Variants in PPP1R14C observed in about 807,000 individuals in gnomAD.
PPP1R14C encodes protein phosphatase 1 regulatory inhibitor subunit 14C.
Under a neutral mutation model 20.4 loss-of-function variants are expected in PPP1R14C, and 16 were observed. The observed-to-expected ratio is 0.78, with a 90% CI of 0.53 to 1.19. The LOEUF is 1.19. Among genes scored for constraint, PPP1R14C ranks in the 50% most tolerant of loss-of-function variants. PPP1R14C has a pLI of 0.00. For synonymous variants in PPP1R14C, 91 were observed against 91.0 expected, an observed-to-expected ratio of 1.00 and a Z score of 0.00; for missense variants, 211 against 220.1, an observed-to-expected ratio of 0.96 and a Z score of 0.26.
intron 3 of PPP1R14C, among the ~76,000 whole-genome samples, chr6:150,230,447 G>A (rs751002276): frequency 2.6e-5 from 4 of 152,212 alleles, no homozygotes; most frequent in Non-Finnish European, 5.9e-5. Flanking sequence ...GAGGCAACAC[G>A]TGGGGAGTTG....
intron 1 of PPP1R14C, among the ~76,000 whole-genome samples, chr6:150,180,829 A>G (rs1409661746): frequency 1.3e-5 from 2 of 152,300 alleles, no homozygotes; most frequent in Non-Finnish European, 1.5e-5. Flanking sequence ...TTCTTGCTGA[A>G]TGATGACCCT....
chr6:150,231,246 T>C (rs750322662), intron 3 of PPP1R14C, among the ~76,000 whole-genome samples: 4 of 152,208 alleles, frequency 2.6e-5, no homozygotes, highest in Non-Finnish European at 5.9e-5. Context: ...CTCAGCAGCA[T>C]GTTGTATAAA....
chr6:150,211,287 C>T (rs1778021751), intron 1 of PPP1R14C, among the ~76,000 whole-genome samples: 1 of 152,216 alleles, frequency 6.6e-6, no homozygotes, highest in African/African-American at 2.4e-5. Context: ...GGGTTCTCAA[C>T]AAATGTACGA....
At chr6:150,149,126 C>T (rs1446163121) in intron 1 of PPP1R14C, among the ~76,000 whole-genome samples, 1 of 152,090 alleles carries the variant, frequency 6.6e-6, no homozygotes, top group Non-Finnish European at 1.5e-5. Context: ...AAGAAAACTG[C>T]TTAACACATT....
chr6:150,149,455 C>CT (rs869244401), intron 1 of PPP1R14C, among the ~76,000 whole-genome samples: 1,180 of 35,360 alleles, frequency 0.033, 10 homozygotes, highest in South Asian at 0.065. Flanking sequence ...TTTTTTTTTT[C>CT]TTTTTTTTTT....
Position 150,248,902 on chromosome 6 carries a change from A to T in PPP1R14C, c.*82A>T. ...TTCATGAAGACTTTTGTGAAAGAAT[A>T]GGTGTCCTTATGAACAACGTTTTTG... is the stretch of plus-strand genomic sequence containing the variant. On this transcript the variant is annotated 3_prime_UTR_variant, in exon 4 of 4. Coordinates refer to ENST00000361131, the MANE Select transcript of PPP1R14C (RefSeq NM_030949.3). 3.7e-6 allele frequency: 3 copies of T among 807,274 alleles called. No homozygotes were observed. Among genetic ancestry groups the T allele is most frequent in the Non-Finnish European group, 5.9e-6 (3 of 507,338 alleles). The allele number at this position is 807,274 out of a possible 1,614,324, so 50.0% of individuals were successfully genotyped here.
At chr6:150,172,938 G>A (rs1777515531) in intron 1 of PPP1R14C, among the ~76,000 whole-genome samples, 1 of 152,116 alleles carries the variant, frequency 6.6e-6, no homozygotes, top group South Asian at 2.1e-4. Context: ...AAGCCACTCA[G>A]TCAACTCCCC....
At chr6:150,183,868 C>T (rs1289037122) in intron 1 of PPP1R14C, among the ~76,000 whole-genome samples, 1 of 152,234 alleles carries the variant, frequency 6.6e-6, no homozygotes, top group African/African-American at 2.4e-5. Context: ...TATATAGAAT[C>T]TCATGTTGAT....
chr6:150,225,515 G>A (rs1445320445), intron 3 of PPP1R14C, among the ~76,000 whole-genome samples: 2 of 152,160 alleles, frequency 1.3e-5, no homozygotes, highest in African/African-American at 2.4e-5. Flanking sequence ...TACTTCGGGG[G>A]CATTTGTTTG....
At chr6:150,182,766 G>A (rs1777635945) in intron 1 of PPP1R14C, among the ~76,000 whole-genome samples, 1 of 152,164 alleles carries the variant, frequency 6.6e-6, no homozygotes, top group South Asian at 2.1e-4. Flanking sequence ...GCTTAGTGAT[G>A]GGGATATGTT....
intron 1 of PPP1R14C, among the ~76,000 whole-genome samples, chr6:150,207,370 G>T (rs1413595490): frequency 2.6e-5 from 4 of 152,218 alleles, no homozygotes; most frequent in Non-Finnish European, 5.9e-5. Context: ...CACTCTAAAT[G>T]GCCTGGCCAC....
intron 1 of PPP1R14C, among the ~76,000 whole-genome samples, chr6:150,199,104 C>T (rs1777845524): frequency 6.6e-6 from 1 of 152,024 alleles, no homozygotes; most frequent in African/African-American, 2.4e-5. Context: ...CTGTGGCTCC[C>T]AACTATGGTG....
chr6:150,207,147 G>A (rs1397852297), intron 1 of PPP1R14C, among the ~76,000 whole-genome samples: 1 of 152,172 alleles, frequency 6.6e-6, no homozygotes, highest in Non-Finnish European at 1.5e-5. Context: ...ACAGGTGTGA[G>A]CCACTGTGCC....
chr6:150,219,730 T>A (rs926255743), intron 3 of PPP1R14C, among the ~76,000 whole-genome samples: 1 of 152,232 alleles, frequency 6.6e-6, no homozygotes. Context: ...CTGCATTGTC[T>A]CTGTTTTCTC....
chr6:150,189,698 T>C (rs1404220105), intron 1 of PPP1R14C, among the ~76,000 whole-genome samples: 1 of 152,200 alleles, frequency 6.6e-6, no homozygotes, highest in Non-Finnish European at 1.5e-5. Context: ...AGAGAACATT[T>C]CTGACTTTAT....
Position 150,143,620 on chromosome 6 carries a change from A to G in PPP1R14C, c.306+122A>G. ...CCCTGACTCCCGGGGACCAAGTGCC[A>G]GGAGCGAGGCGCGGCGCCTTCTCTC... On this transcript the variant is annotated intron_variant, in intron 1 of 3. Transcript: ENST00000361131. The surrounding 1 kb of genome is among the most constrained non-coding windows in gnomAD (Gnocchi z 5.6). 1.4e-6 allele frequency: 1 copy of G among 720,504 alleles called. No homozygotes were observed. The highest frequency in any genetic ancestry group is 1.8e-5 in the South Asian group (1 of 54,058). 44.6% of individuals were successfully genotyped at this position (720,504 alleles called of 1,614,324 possible). A position where few individuals can be genotyped will look rare whatever the true frequency, so the allele number is the denominator to read the frequency against.
Position 150,220,384 on chromosome 6 carries a change from CTT to C in PPP1R14C, c.423+3530_423+3531del. On this transcript the variant is annotated intron_variant, in intron 3 of 3. Transcript: ENST00000361131. Reference sequence around the variant, plus strand: ...GAAGCAGAGAGGAGAAGGCAGGAGACTTTACCATTTAGCTGTTTGGGGACTAA... The same window carrying C: ...GAAGCAGAGAGGAGAAGGCAGGAGACTACCATTTAGCTGTTTGGGGACTAA... 2.0e-5 allele frequency among the ~76,000 whole-genome samples: 3 copies of C among 152,306 alleles called. No homozygotes were observed. In the South Asian group the frequency reaches 6.2e-4, roughly 32 times the overall value.
chr6:150,169,324 T>G (rs1777472483), intron 1 of PPP1R14C, among the ~76,000 whole-genome samples: 1 of 152,208 alleles, frequency 6.6e-6, no homozygotes, highest in Non-Finnish European at 1.5e-5. Flanking sequence ...TGGTAACTGA[T>G]TCTGTTGTCA....
chr6:150,242,359 T>TA (rs1440562000), intron 3 of PPP1R14C, among the ~76,000 whole-genome samples: 1 of 152,230 alleles, frequency 6.6e-6, no homozygotes, highest in Non-Finnish European at 1.5e-5. Flanking sequence ...CAACAATATG[T>TA]AAAAAAGCCA....
Sources: gnomAD v4.1 joint callset for allele counts (sites outside exome capture counted in the v4.1 genomes callset) on GRCh38, gnomAD v4.1.1 for gene constraint, Gnocchi (gnomAD v3.1) non-coding constraint, MANE v1.5 for transcripts, NCBI Gene and HGNC (gene_info 2026-07-23, HGNC 2026-07-21) for gene names.